The following ST18 variants were observed in gnomAD, a reference collection of about 807,000 sequenced individuals.
ST18 encodes the protein suppression of tumorigenicity 18 protein.
In ST18, 50 loss-of-function variants were observed where a neutral mutation model predicts 110.0. The observed-to-expected ratio is 0.45, with a 90% CI of 0.36 to 0.58. The LOEUF (loss-of-function observed/expected upper bound fraction) is 0.58. ST18 is among the 20% of genes least tolerant of loss of function. The pLI is 0.00. For missense variants in ST18, 1,306 were observed against 1,280.1 expected, an observed-to-expected ratio of 1.02 and a Z score of -0.31; for synonymous variants, 461 against 452.4, an observed-to-expected ratio of 1.02 and a Z score of -0.24.
At chr8:52,333,225 C>G (rs1472549255) in intron 2 of ST18, among the ~76,000 whole-genome samples, 1 of 151,662 alleles carries the variant, frequency 6.6e-6, no homozygotes, top group African/African-American at 2.4e-5. Flanking sequence ...CTAAACGTTT[C>G]TCAAGGGAAA....
intron 3 of ST18, among the ~76,000 whole-genome samples, chr8:52,227,310 A>G (rs1242774005): frequency 6.6e-6 from 1 of 152,198 alleles, no homozygotes; most frequent in East Asian, 1.9e-4. Flanking sequence ...CATAAAGCAC[A>G]ACTCTTGTTC....
chr8:52,194,479 G>A (rs1444080462), intron 8 of ST18: 2 of 152,272 alleles, frequency 1.3e-5, no homozygotes, highest in East Asian at 3.9e-4. Flanking sequence ...CATAATATGA[G>A]GTCTGTGTGT....
At chr8:52,116,453 G>C in intron 24 of ST18, 35 bp from the exon 25 acceptor site, 1 of 1,596,636 alleles carries the variant, frequency 6.3e-7, no homozygotes, top group Non-Finnish European at 8.5e-7. Flanking sequence ...GTGAGTAGTG[G>C]AGTTTGGAAG....
At chr8:52,121,573 C>A (rs2044815419) in intron 23 of ST18, among the ~76,000 whole-genome samples, 1 of 151,804 alleles carries the variant, frequency 6.6e-6, no homozygotes, top group African/African-American at 2.4e-5. Flanking sequence ...CATTTAAAAA[C>A]CATGAGGTAG....
rs534674924 is a variant in ST18, at chr8:52,242,011, G to C, written c.-464-11934C>G. Among the ~76,000 whole-genome samples, 8 of 152,166 alleles carry C rather than the reference G, an allele frequency of 5.3e-5. No individual in the cohort carries two copies. In the East Asian group the frequency reaches 1.5e-3, roughly 29 times the overall value. ...TGCTAGGTACTGAGGAGAATAAAAT[G>C]ATTTTAAATACAGTTTCTCTTCTAA... On this transcript the variant is annotated intron_variant, in intron 2 of 25. Transcript: ENST00000689386.
intron 9 of ST18, 135 bp downstream of exon 9, chr8:52,179,987 A>G (rs1424832273): frequency 1.0e-6 from 1 of 966,894 alleles, no homozygotes. Context: ...AGTAAAATAA[A>G]TGTTTCATTT....
At chr8:52,226,988 C>T (rs866421886) in intron 3 of ST18, among the ~76,000 whole-genome samples, 1 of 152,092 alleles carries the variant, frequency 6.6e-6, no homozygotes, top group South Asian at 2.1e-4. Flanking sequence ...AAATCTTCCT[C>T]ATATTTTGTA....
At chr8:52,190,018 A>G (rs1393669176) in intron 8 of ST18, among the ~76,000 whole-genome samples, 1 of 152,204 alleles carries the variant, frequency 6.6e-6, no homozygotes, top group Non-Finnish European at 1.5e-5. Context: ...AAACATTAGT[A>G]CAGGTTGGGT....
chr8:52,259,852 A>G (rs1049534776), intron 2 of ST18, among the ~76,000 whole-genome samples: 2 of 152,172 alleles, frequency 1.3e-5, no homozygotes, highest in African/African-American at 4.8e-5. Context: ...GACCAGTAAA[A>G]ACCAACATGG....
chr8:52,198,689 G>A (rs755069518), intron 8 of ST18, among the ~76,000 whole-genome samples: 7 of 152,308 alleles, frequency 4.6e-5, no homozygotes, highest in Non-Finnish European at 7.4e-5. Context: ...ATGTGTGAGT[G>A]TGTATATGTA....
At chr8:52,232,952 G>C (rs1177560528) in intron 2 of ST18, among the ~76,000 whole-genome samples, 2 of 152,138 alleles carry the variant, frequency 1.3e-5, no homozygotes, top group Admixed American at 6.5e-5. Flanking sequence ...CTGGGAGAAT[G>C]TAAGCACATG....
At chr8:52,328,850 C>T (rs780461968) in intron 2 of ST18, among the ~76,000 whole-genome samples, 3 of 152,196 alleles carry the variant, frequency 2.0e-5, no homozygotes, top group South Asian at 2.1e-4. Context: ...TGCTGATAAA[C>T]GGGAAGTTTC....
At chr8:52,168,010 T>A (rs1045773902) in intron 10 of ST18, among the ~76,000 whole-genome samples, 3 of 151,886 alleles carry the variant, frequency 2.0e-5, no homozygotes, top group Non-Finnish European at 4.4e-5. Context: ...TATTCAGAAA[T>A]GTTCACATTC....
chr8:52,132,839 CT>C (rs1341246673), intron 21 of ST18, among the ~76,000 whole-genome samples: 1 of 152,090 alleles, frequency 6.6e-6, no homozygotes, highest in Non-Finnish European at 1.5e-5. Flanking sequence ...GAAACTGTTA[CT>C]TTTTAAAACA....
intron 2 of ST18, among the ~76,000 whole-genome samples, chr8:52,383,509 C>T (rs774401656): frequency 5.3e-5 from 8 of 152,026 alleles, no homozygotes; most frequent in Non-Finnish European, 1.0e-4. Flanking sequence ...AGTGCAGTGG[C>T]GTGATCTCAA....
At chr8:52,229,925 C>T (rs571871651) in intron 3 of ST18, 107 bp downstream of exon 3, 2 of 152,536 alleles carry the variant, frequency 1.3e-5, no homozygotes, top group South Asian at 2.1e-4. Flanking sequence ...CTTTTCTGGT[C>T]CTCTAAAATG....
intron 2 of ST18, among the ~76,000 whole-genome samples, chr8:52,391,495 G>A (rs1399136301): frequency 1.3e-5 from 2 of 152,156 alleles, no homozygotes; most frequent in African/African-American, 4.8e-5. Context: ...TCAATCATGG[G>A]CCACATAACA....
intron 8 of ST18, among the ~76,000 whole-genome samples, chr8:52,184,350 T>G (rs1464625046): frequency 6.6e-6 from 1 of 152,194 alleles, no homozygotes; most frequent in Non-Finnish European, 1.5e-5. Context: ...GCAAATATCT[T>G]TCAACTCCAT....
intron 2 of ST18, chr8:52,405,758 A>C (rs1384103550): frequency 6.6e-6 from 1 of 152,136 alleles, no homozygotes; most frequent in Non-Finnish European, 1.5e-5. Context: ...ATTCTTAAAA[A>C]TCTGCCTACT....
Sources: gnomAD v4.1 joint callset for allele counts (sites outside exome capture counted in the v4.1 genomes callset) on GRCh38, gnomAD v4.1.1 for gene constraint, MANE v1.5 for transcripts, NCBI Gene and HGNC (gene_info 2026-07-23, HGNC 2026-07-21) for gene names.